Variants in CCDC178 observed in about 807,000 individuals in gnomAD.
CCDC178 encodes the protein coiled-coil domain-containing protein 178.
CCDC178 carries 126 observed loss-of-function variants against 117.4 expected under a neutral mutation model. The ratio of observed to expected loss-of-function variants is 1.07; its 90% confidence interval spans 0.93 to 1.24. The LOEUF is 1.24. Ranked by LOEUF, CCDC178 falls within the 50% of genes most tolerant of loss-of-function variation. CCDC178 has a pLI of 0.00. For missense variants in CCDC178, 1,030 were observed against 986.9 expected, an observed-to-expected ratio of 1.04 and a Z score of -0.59; for synonymous variants, 283 against 313.4, an observed-to-expected ratio of 0.90 and a Z score of 1.02.
At chr18:33,119,806 C>T (rs534655606) in intron 20 of CCDC178, among the ~76,000 whole-genome samples, 1 of 152,212 alleles carries the variant, frequency 6.6e-6, no homozygotes, top group Non-Finnish European at 1.5e-5. Flanking sequence ...CAATGATAGA[C>T]TGGATTAAGA....
At chr18:32,960,490 A>C (rs2054684724) in intron 22 of CCDC178, among the ~76,000 whole-genome samples, 1 of 152,304 alleles carries the variant, frequency 6.6e-6, no homozygotes, top group South Asian at 2.1e-4. Context: ...TGGTTACATC[A>C]ACAGTCAAGA....
At chr18:33,317,648 C>G (rs1238297171) in intron 11 of CCDC178, among the ~76,000 whole-genome samples, 1 of 152,088 alleles carries the variant, frequency 6.6e-6, no homozygotes, top group Non-Finnish European at 1.5e-5. Context: ...AATATTAACA[C>G]CCAACTTCAG....
At chr18:33,328,482 T>C (rs1265660141) in intron 10 of CCDC178, among the ~76,000 whole-genome samples, 1 of 152,160 alleles carries the variant, frequency 6.6e-6, no homozygotes, top group Non-Finnish European at 1.5e-5. Context: ...AATGTTTATA[T>C]GGTGTAAGGT....
chr18:33,384,838 T>C (rs1164569758), intron 5 of CCDC178, among the ~76,000 whole-genome samples: 1 of 152,162 alleles, frequency 6.6e-6, no homozygotes, highest in Non-Finnish European at 1.5e-5. Flanking sequence ...AGCGCCATGA[T>C]GACAGGATCA....
chr18:33,009,519 T>C (rs2144793300), intron 21 of CCDC178, among the ~76,000 whole-genome samples: 1 of 152,260 alleles, frequency 6.6e-6, no homozygotes, highest in Non-Finnish European at 1.5e-5. Flanking sequence ...CCCGCAAATA[T>C]CCACATTGCT....
chr18:33,326,979 G>A (rs2062593185), intron 10 of CCDC178, among the ~76,000 whole-genome samples: 1 of 152,014 alleles, frequency 6.6e-6, no homozygotes, highest in Admixed American at 6.6e-5. Flanking sequence ...TTTGAATTTT[G>A]TAAGCAACTG....
At chr18:32,984,525 A>G (rs1022768671) in intron 21 of CCDC178, among the ~76,000 whole-genome samples, 1 of 151,956 alleles carries the variant, frequency 6.6e-6, no homozygotes, top group East Asian at 1.9e-4. Context: ...ATTCTGGTAG[A>G]TTTTGATAAA....
chr18:33,089,064 C>T (rs944743929), intron 21 of CCDC178, among the ~76,000 whole-genome samples: 1 of 152,048 alleles, frequency 6.6e-6, no homozygotes, highest in African/African-American at 2.4e-5. Context: ...ATTAAATCTC[C>T]TCCAAATAAA....
chr18:33,145,466 T>G (rs1192969946), intron 20 of CCDC178, among the ~76,000 whole-genome samples: 1 of 152,196 alleles, frequency 6.6e-6, no homozygotes, highest in Admixed American at 6.5e-5. Flanking sequence ...GTATGATTTA[T>G]TGGGTATAGT....
At chr18:33,407,221 A>G (rs890052854) in intron 3 of CCDC178, among the ~76,000 whole-genome samples, 4 of 152,186 alleles carry the variant, frequency 2.6e-5, no homozygotes, top group African/African-American at 9.6e-5. Flanking sequence ...TAAAATCGTT[A>G]GCAAAGATAC....
chr18:33,287,971 G>C (rs1441168037), intron 12 of CCDC178, among the ~76,000 whole-genome samples: 1 of 152,008 alleles, frequency 6.6e-6, no homozygotes, highest in Admixed American at 6.5e-5. Flanking sequence ...ATTTCAGCAT[G>C]ATTATTAAAC....
At position 33,215,602 on chromosome 18, in the gene CCDC178, T is replaced by A. The variant is rs754470875; in HGVS notation, c.2026A>T (p.Lys676Ter). 4.6e-6 allele frequency: 7 copies of A among 1,512,222 alleles called. No homozygotes were observed. In the South Asian group the frequency reaches 9.1e-5, roughly 20 times the overall value. 93.7% of individuals were successfully genotyped at this position (1,512,222 alleles called of 1,614,324 possible). A position where few individuals can be genotyped will look rare whatever the true frequency, so the allele number is the denominator to read the frequency against. The part of the protein sequence containing the change: ...AKINELNEEL[K>*]AKEEEKKSFD... ...CTTTTCTTTTCTTCTTCTTTTGCTT[T>A]TAATTCCTCATTCAATTCATTTATT... The change falls in exon 19 of 23, where the codon AAA (lysine) becomes TAA (stop). Residue 676 changes from lysine (K) to a stop codon, truncating the protein, a stop_gained. Coordinates refer to ENST00000383096, the MANE Select transcript of CCDC178 (RefSeq NM_001105528.4). LOFTEE classifies it high-confidence loss of function.
intron 21 of CCDC178, among the ~76,000 whole-genome samples, chr18:33,018,864 A>C (rs774846801): frequency 5.3e-5 from 8 of 152,130 alleles, no homozygotes; most frequent in Non-Finnish European, 1.0e-4. Context: ...TGTATACTTT[A>C]AGTGGGTGAG....
chr18:33,356,002 C>T (rs996666522), intron 7 of CCDC178, among the ~76,000 whole-genome samples: 1 of 152,156 alleles, frequency 6.6e-6, no homozygotes, highest in African/African-American at 2.4e-5. Flanking sequence ...TGCAATGAAG[C>T]AGCTTCCTTC....
intron 20 of CCDC178, among the ~76,000 whole-genome samples, chr18:33,095,198 A>G (rs542200611): frequency 7.9e-5 from 12 of 152,094 alleles, no homozygotes; most frequent in African/African-American, 2.6e-4. Flanking sequence ...GCCTAAGTAC[A>G]TATAACACTT....
chr18:33,402,223 A>G (rs1005641076), intron 3 of CCDC178, among the ~76,000 whole-genome samples: 11 of 152,212 alleles, frequency 7.2e-5, no homozygotes, highest in Non-Finnish European at 1.3e-4. Context: ...CTCCATAAAT[A>G]CAAAGATTTA....
At chr18:32,944,971 T>G (rs2054314114) in intron 22 of CCDC178, among the ~76,000 whole-genome samples, 1 of 152,242 alleles carries the variant, frequency 6.6e-6, no homozygotes, top group South Asian at 2.1e-4. Flanking sequence ...TTAAACATTT[T>G]TTTTTCCTTA....
At chr18:32,969,110 C>G (rs1598741266) in intron 22 of CCDC178, among the ~76,000 whole-genome samples, 1 of 152,048 alleles carries the variant, frequency 6.6e-6, no homozygotes, top group South Asian at 2.1e-4. Flanking sequence ...AACCAGTTCA[C>G]TAACTCAACA....
At chr18:33,047,781 A>G (rs2056672308) in intron 21 of CCDC178, among the ~76,000 whole-genome samples, 2 of 152,190 alleles carry the variant, frequency 1.3e-5, no homozygotes. Context: ...GCCAATTTTC[A>G]GTATTTATAA....
Sources: allele counts gnomAD v4.1 joint callset (sites outside exome capture counted in the v4.1 genomes callset), GRCh38; gene constraint gnomAD v4.1.1; transcripts MANE v1.5; gene names NCBI Gene and HGNC (gene_info 2026-07-23, HGNC 2026-07-21).